The following SEPTIN9 variants were observed in gnomAD, a reference collection of about 807,000 sequenced individuals.
SEPTIN9 encodes the protein septin 9.
A neutral mutation model predicts 56.6 loss-of-function variants in SEPTIN9; 13 were observed. The ratio of observed to expected loss-of-function variants is 0.23; its 90% CI spans 0.15 to 0.37. The LOEUF (loss-of-function observed/expected upper bound fraction) is 0.37, where lower values mean the gene tolerates loss of function less well. Among genes scored for constraint, SEPTIN9 ranks in the 10% least tolerant of loss-of-function variants. SEPTIN9 has a pLI of 1.00. For synonymous variants in SEPTIN9, 332 were observed against 334.1 expected (o/e 0.99, Z 0.07); for missense variants, 650 against 823.1 (o/e 0.79, Z 2.57).
chr17:77,295,412 G>T (rs1318531568), intron 1 of SEPTIN9, among the ~76,000 whole-genome samples: 2 of 151,896 alleles, frequency 1.3e-5, no homozygotes, highest in Non-Finnish European at 2.9e-5. Flanking sequence ...TGGGACTCTG[G>T]CAGGAGCTGG....
At position 77,450,018 on chromosome 17, in the gene SEPTIN9, G is replaced by A. The variant is rs555383648; in HGVS notation, c.722-32126G>A. On this transcript the variant is annotated intron_variant, in intron 3 of 11. Coordinates refer to ENST00000427177, the MANE Select transcript of SEPTIN9 (RefSeq NM_001113491.2). The surrounding 1 kb of genome is among the most constrained non-coding windows in gnomAD (Gnocchi z 6.0). Reference sequence around the variant, plus strand: ...CTCCCTCCCATTCAGATGGGAACAGGGACTCCGGGCATGCAGTCTTCTCCC... The same window carrying A: ...CTCCCTCCCATTCAGATGGGAACAGAGACTCCGGGCATGCAGTCTTCTCCC... 1.1e-4 allele frequency among the ~76,000 whole-genome samples: 17 copies of A among 152,138 alleles called. No individual in the cohort carries two copies. The highest frequency in any genetic ancestry group is 5.2e-4 in the Admixed American group (8 of 15,298).
At chr17:77,454,369 G>C in intron 3 of SEPTIN9, 1 of 985,522 alleles carries the variant, frequency 1.0e-6, no homozygotes, top group Non-Finnish European at 1.2e-6. Context: ...GACAGGTAGG[G>C]ACCTGTTCCC....
chr17:77,457,928 C>G (rs977402575), intron 3 of SEPTIN9, among the ~76,000 whole-genome samples: 1 of 152,212 alleles, frequency 6.6e-6, no homozygotes, highest in African/African-American at 2.4e-5. Flanking sequence ...TGAGGTTTAA[C>G]CTAACTCTGG....
intron 2 of SEPTIN9, among the ~76,000 whole-genome samples, chr17:77,387,627 A>G (rs1248214404): frequency 2.0e-5 from 3 of 152,078 alleles, no homozygotes; most frequent in Non-Finnish European, 4.4e-5. Context: ...TGAGGGCGTG[A>G]TGAGGTTCTC....
chr17:77,384,013 G>T lies in SEPTIN9; in HGVS notation c.77-18046G>T, dbSNP rs527828731. On this transcript the variant is annotated intron_variant, in intron 2 of 11. Coordinates refer to ENST00000427177, the MANE Select transcript of SEPTIN9 (RefSeq NM_001113491.2). ...GCTTCTACTACATGCCAGGCAGGGT[G>T]CCAGGCCCTAGTGGAGAGGGGACAA... Among the ~76,000 whole-genome samples the T allele has an allele frequency of 3.9e-5, 6 of 152,390 alleles. 1 individual carries two copies. Among genetic ancestry groups the T allele is most frequent in the African/African-American group, 1.4e-4 (6 of 41,596 alleles).
chr17:77,478,715 A>G (rs2039325251), intron 3 of SEPTIN9, among the ~76,000 whole-genome samples: 1 of 151,550 alleles, frequency 6.6e-6, no homozygotes, highest in African/African-American at 2.4e-5. Flanking sequence ...AGGCAGGAGA[A>G]TTGCTTGAAC....
chr17:77,468,790 G>A (rs1015306995), intron 3 of SEPTIN9, among the ~76,000 whole-genome samples: 63 of 150,854 alleles, frequency 4.2e-4, no homozygotes, highest in African/African-American at 1.5e-3. Context: ...TGAGGAGGAG[G>A]GATTCGGACA....
At chr17:77,419,538 C>G (rs1355948996) in intron 3 of SEPTIN9, among the ~76,000 whole-genome samples, 1 of 152,042 alleles carries the variant, frequency 6.6e-6, no homozygotes, top group African/African-American at 2.4e-5. Flanking sequence ...GACCCCTCCC[C>G]CTTCCCCAGG....
chr17:77,420,139 C>G (rs2036648055), intron 3 of SEPTIN9, among the ~76,000 whole-genome samples: 3 of 152,288 alleles, frequency 2.0e-5, no homozygotes, highest in South Asian at 4.1e-4. Flanking sequence ...CCCGTGTCTC[C>G]TGGGAGGGCG....
rs142771978 is a variant in SEPTIN9, at chr17:77,456,731, A to G, written c.722-25413A>G. Among the ~76,000 whole-genome samples, 4,476 of 145,442 alleles carry G rather than the reference A, an allele frequency of 0.031. 103 individuals are homozygous for G. The highest frequency in any genetic ancestry group is 0.063 in the African/African-American group (2,455 of 38,872). ...GACGGGCCCCCATGGCCAGTACCAG[A>G]TCTCAGGGACCAGCACCGGGTACCC... On this transcript the variant is annotated intron_variant, in intron 3 of 11. Coordinates refer to ENST00000427177, the MANE Select transcript of SEPTIN9 (RefSeq NM_001113491.2). The surrounding 1 kb of genome is among the most constrained non-coding windows in gnomAD (Gnocchi z 6.0).
intron 4 of SEPTIN9, chr17:77,482,565 A>C: frequency 1.4e-6 from 1 of 695,870 alleles, no homozygotes; most frequent in Non-Finnish European, 2.6e-6. Context: ...AGGGCCCCTG[A>C]GATGACTTTG....
Position 77,402,274 on chromosome 17 carries a change from C to T in SEPTIN9, c.292C>T (p.Pro98Ser), listed in dbSNP as rs866528394. Residue 98 changes from proline (P) to serine (S), a missense_variant, in exon 3 of 12, where the codon CCC (proline) becomes TCC (serine). By Grantham distance (74) the Pro-to-Ser change is moderately conservative. Around this residue, in one of 2 missense-constraint regions of SEPTIN9, gnomAD observed 317 missense variants for 329.1 expected, o/e 0.96. Coordinates refer to ENST00000427177, the MANE Select transcript of SEPTIN9 (RefSeq NM_001113491.2). The surrounding 1 kb of genome is among the most constrained non-coding windows in gnomAD (Gnocchi z 6.6). ...CCTGCGGAGGGTGGAGCTCTCGGGC[C>T]CCAAGGCGGCCGAGCCGGTGTCCCG... Reference protein sequence around the residue: ...ASLRRVELSGPKAAEPVSRRT... With the variant: ...ASLRRVELSGSKAAEPVSRRT... 1 of 1,612,152 alleles carries T rather than the reference C, an allele frequency of 6.2e-7. No individual in the cohort carries two copies. The highest frequency in any genetic ancestry group is 8.5e-7 in the Non-Finnish European group (1 of 1,179,734).
chr17:77,421,798 C>T lies in SEPTIN9; in HGVS notation c.721+19095C>T, dbSNP rs1415052865. Among the ~76,000 whole-genome samples the T allele has an allele frequency of 1.3e-5, 2 of 152,270 alleles. No individual in the cohort carries two copies. The highest frequency in any genetic ancestry group is 4.8e-5 in the African/African-American group (2 of 41,556). On this transcript the variant is annotated intron_variant, in intron 3 of 11. Transcript: ENST00000427177. This position sits in a 1 kb window ranked among gnomAD's most constrained non-coding sequence, Gnocchi z 4.6. Reference sequence around the variant, plus strand: ...CACCCTCGGGGATTGGCAGCTGCCACGCTCATTTCACAGTCGAGACACCCT... The same window carrying T: ...CACCCTCGGGGATTGGCAGCTGCCATGCTCATTTCACAGTCGAGACACCCT...
intron 1 of SEPTIN9, 70 bp downstream of exon 1, chr17:77,281,624 G>T: frequency 7.0e-7 from 1 of 1,426,058 alleles, no homozygotes; most frequent in South Asian, 1.3e-5. Flanking sequence ...GAGTGCCTGC[G>T]GCCGGGAGTG....
chr17:77,398,997 C>T (rs2144082010), intron 2 of SEPTIN9, among the ~76,000 whole-genome samples: 1 of 152,248 alleles, frequency 6.6e-6, no homozygotes, highest in Middle Eastern at 3.4e-3. Context: ...TGGTTGGGGA[C>T]CGGCACACAT....
intron 3 of SEPTIN9, among the ~76,000 whole-genome samples, chr17:77,458,429 G>T (rs1409494676): frequency 6.6e-6 from 1 of 152,212 alleles, no homozygotes; most frequent in Non-Finnish European, 1.5e-5. Context: ...ACCTCAGCGA[G>T]GTCTGCAGAC....
intron 1 of SEPTIN9, among the ~76,000 whole-genome samples, chr17:77,304,542 C>A (rs1281150360): frequency 6.6e-6 from 1 of 152,112 alleles, no homozygotes; most frequent in East Asian, 1.9e-4. Flanking sequence ...GGGCAGAAGG[C>A]AGGGGTGGTG....
intron 2 of SEPTIN9, chr17:77,373,572 C>T (rs2143915624): frequency 6.5e-7 from 1 of 1,542,166 alleles, no homozygotes; most frequent in Non-Finnish European, 8.7e-7. Flanking sequence ...GGGCTGGCTG[C>T]TGCGGCCGCG....
chr17:77,484,511 G>A lies in SEPTIN9; in HGVS notation c.913+2176G>A, dbSNP rs201500572. ...GGTGATGATGGTGATTGTGGTGATG[G>A]TGATGGTGGTAATTGTGATGGTGGT... On this transcript the variant is annotated intron_variant, in intron 4 of 11. Transcript: ENST00000427177. Among the ~76,000 whole-genome samples, 4 of 117,058 alleles carry A rather than the reference G, an allele frequency of 3.4e-5. 1 individual carries two copies. Among genetic ancestry groups the A allele is most frequent in the African/African-American group, 7.3e-5 (2 of 27,476 alleles). The allele number at this position is 117,058 out of a possible 152,430, so 76.8% of individuals were successfully genotyped here.
Sources: gnomAD v4.1 joint callset for allele counts (sites outside exome capture counted in the v4.1 genomes callset) on GRCh38, gnomAD v4.1.1 for gene constraint, gnomAD v4.1.1 regional missense constraint, Gnocchi (gnomAD v3.1) non-coding constraint, MANE v1.5 for transcripts, NCBI Gene and HGNC (gene_info 2026-07-23, HGNC 2026-07-21) for gene names.